The following DHRS4L2 variants were observed in gnomAD, a reference collection of about 807,000 sequenced individuals.
DHRS4L2 encodes dehydrogenase/reductase 4 like 2.
In DHRS4L2, 22 loss-of-function variants were observed where a neutral mutation model predicts 23.9. That is an observed-to-expected ratio of 0.92 (90% confidence interval 0.66 to 1.31). The LOEUF is 1.31. Among genes scored for constraint, DHRS4L2 ranks in the 40% most tolerant of loss-of-function variants. DHRS4L2 has a pLI of 0.00. For synonymous variants in DHRS4L2, 141 were observed against 123.7 expected (o/e 1.14, Z -0.93); for missense variants, 385 against 303.3 (o/e 1.27, Z -2.00).
rs765374525 is a variant in DHRS4L2, at chr14:23,988,988, G to T, written c.41G>T (p.Arg14Leu). The change falls in exon 1 of 8, where the codon CGG (arginine) becomes CTG (leucine). Residue 14 changes from arginine (R) to leucine (L), a missense_variant. Transcript: ENST00000335125. ...ARLLGLCAWA[R>L]KSVRMASSRM... ...CTGCTAGGCCTCTGTGCCTGGGCAC[G>T]GAAGTCGGTGCGGATGGCCAGCTCC... is the stretch of plus-strand genomic sequence containing the variant. 2 of 1,611,304 alleles carry T rather than the reference G, an allele frequency of 1.2e-6. No individual in the cohort carries two copies. The highest frequency in any genetic ancestry group is 1.7e-6 in the Non-Finnish European group (2 of 1,178,554).
chr14:23,999,561 CATT>C (rs1350692457), intron 3 of DHRS4L2, among the ~76,000 whole-genome samples: 1 of 145,240 alleles, frequency 6.9e-6, no homozygotes, highest in African/African-American at 2.5e-5. Context: ...AAATTATCAT[CATT>C]GTCAAACTCT....
intron 2 of DHRS4L2, among the ~76,000 whole-genome samples, chr14:23,991,864 T>C (rs537771462): frequency 7.3e-5 from 11 of 150,772 alleles, no homozygotes; most frequent in South Asian, 4.2e-4. Context: ...GCCTCCCGAG[T>C]AGCTAGGATT....
chr14:23,985,336 C>G (rs1452705799), upstream of DHRS4L2, among the ~76,000 whole-genome samples: 2 of 151,632 alleles, frequency 1.3e-5, no homozygotes, highest in Non-Finnish European at 2.9e-5. Flanking sequence ...CCAGCACTTA[C>G]TAAGGAAGTG....
intron 1 of DHRS4L2, among the ~76,000 whole-genome samples, chr14:23,976,444 T>C (rs1469135793): frequency 2.0e-5 from 3 of 151,702 alleles, no homozygotes; most frequent in East Asian, 1.9e-4. Flanking sequence ...CATTAAAAAG[T>C]CAGGAAACAA....
upstream of DHRS4L2, chr14:23,988,704 A>T (rs1170846335): frequency 8.4e-7 from 1 of 1,189,680 alleles, no homozygotes; most frequent in Non-Finnish European, 1.1e-6. Context: ...AGGCAACTTG[A>T]ACGGAGAGCG....
At chr14:23,995,987 G>A (rs1220912741) in intron 3 of DHRS4L2, among the ~76,000 whole-genome samples, 2 of 151,756 alleles carry the variant, frequency 1.3e-5, no homozygotes, top group East Asian at 3.9e-4. Flanking sequence ...CAAGAAGCAT[G>A]GTGCCAGTAT....
chr14:23,996,858 T>C (rs1232995461), intron 3 of DHRS4L2, among the ~76,000 whole-genome samples: 1 of 151,970 alleles, frequency 6.6e-6, no homozygotes, highest in Non-Finnish European at 1.5e-5. Flanking sequence ...TGGTCTCAAA[T>C]TCCTGGCCTC....
chr14:23,992,499 C>T (rs1321828558), intron 2 of DHRS4L2, among the ~76,000 whole-genome samples: 2 of 151,444 alleles, frequency 1.3e-5, no homozygotes, highest in East Asian at 3.9e-4. Context: ...ATGGATACTA[C>T]CCAGTGGCCT....
exon 1 of DHRS4L2, chr14:23,970,204 G>A (rs914547498): frequency 2.4e-5 from 11 of 454,554 alleles, no homozygotes; most frequent in African/African-American, 6.2e-5. Flanking sequence ...CGTTCCTTCC[G>A]GCCCTGCACC....
upstream of DHRS4L2, among the ~76,000 whole-genome samples, chr14:23,986,467 C>T (rs1316570506): frequency 6.7e-6 from 1 of 150,300 alleles, no homozygotes; most frequent in Non-Finnish European, 1.5e-5. Flanking sequence ...TGTAAAAAAC[C>T]TGCACGTTGT....
At chr14:23,987,314 T>C (rs1294995311), upstream of DHRS4L2, 2 of 260,496 alleles carry the variant, frequency 7.7e-6, no homozygotes, top group Non-Finnish European at 7.8e-6. Context: ...GTATTTTTAG[T>C]AGGGACGAGT....
chr14:23,995,292 G>A (rs1310459675), intron 3 of DHRS4L2, among the ~76,000 whole-genome samples, 159 bp downstream of exon 3: 1 of 151,732 alleles, frequency 6.6e-6, no homozygotes, highest in African/African-American at 2.4e-5. Context: ...GCAGGTGGGG[G>A]TGGCTCTTTC....
rs531339647 is a variant in DHRS4L2, at chr14:23,988,935, G to A, written c.-13G>A. On this transcript the variant is annotated 5_prime_UTR_variant, in exon 1 of 8. Transcript: ENST00000335125. ...GCTGGAAGGAGTGGAACCCAGACTTGCTGGTCTGATCCATGCAGATGGCCA... is the reference window on the plus strand; with the variant it reads ...GCTGGAAGGAGTGGAACCCAGACTTACTGGTCTGATCCATGCAGATGGCCA... The A allele has an allele frequency of 1.2e-5, 20 of 1,611,310 alleles. No homozygotes were observed. The South Asian group carries it at 2.2e-4, about 18-fold the overall frequency.
chr14:23,992,751 T>A (rs2034296228), intron 2 of DHRS4L2, among the ~76,000 whole-genome samples: 1 of 150,500 alleles, frequency 6.6e-6, no homozygotes, highest in South Asian at 2.1e-4. Flanking sequence ...AGTGACATGA[T>A]CATAGCTCAC....
At chr14:24,000,842 C>G in intron 3 of DHRS4L2, 21 bp from the exon 4 acceptor site, 1 of 1,600,430 alleles carries the variant, frequency 6.2e-7, no homozygotes, top group East Asian at 2.2e-5. Context: ...ATGCTGTTTC[C>G]CCTTCTTCTC....
intron 1 of DHRS4L2, among the ~76,000 whole-genome samples, chr14:23,979,156 G>A (rs1465494697): frequency 1.3e-5 from 2 of 148,772 alleles, no homozygotes; most frequent in Non-Finnish European, 3.0e-5. Context: ...CCTGGTCTCC[G>A]ATAAAACAGA....
In DHRS4L2 at chr14:23,990,276, A is replaced by G. The variant is rs775071926; in HGVS notation, c.223A>G (p.Thr75Ala). Residue 75 changes from threonine to alanine, a missense_variant, in exon 2 of 8, where the codon ACG becomes GCG. By Grantham distance (58) the Thr-to-Ala change is moderately conservative. Coordinates refer to ENST00000335125, the MANE Select transcript of DHRS4L2 (RefSeq NM_198083.4). ...GCAGAATGTGGACCAGGCGGTGGCCACGCTGCAGGGGGAGGGGCTGAGCGT... is the reference window on the plus strand; with the variant it reads ...GCAGAATGTGGACCAGGCGGTGGCCGCGCTGCAGGGGGAGGGGCTGAGCGT... ...KQQNVDQAVA[T>A]LQGEGLSVTG... 2 of 1,612,514 alleles carry G rather than the reference A, an allele frequency of 1.2e-6. No homozygotes were observed. The highest frequency in any genetic ancestry group is 1.7e-6 in the Non-Finnish European group (2 of 1,179,306).
At chr14:24,001,982 A>T (rs372303569) in intron 6 of DHRS4L2, among the ~76,000 whole-genome samples, 1,052 of 17,030 alleles carry the variant, frequency 0.062, no homozygotes, top group Middle Eastern at 0.11. Flanking sequence ...TTCTTTTTTA[A>T]TTATTATTAT....
At chr14:23,972,403 C>T (rs1358828688) in intron 1 of DHRS4L2, among the ~76,000 whole-genome samples, 2 of 152,066 alleles carry the variant, frequency 1.3e-5, no homozygotes, top group East Asian at 3.9e-4. Context: ...CTGGTGGGTT[C>T]GTGGCCTCAC....
Sources: gnomAD v4.1 joint callset for allele counts (sites outside exome capture counted in the v4.1 genomes callset) on GRCh38, gnomAD v4.1.1 for gene constraint, MANE v1.5 for transcripts, NCBI Gene and HGNC (gene_info 2026-07-23, HGNC 2026-07-21) for gene names.